Variants in DTWD1 observed in about 807,000 individuals in gnomAD.
DTWD1 encodes DTW motif tRNA-uridine aminocarboxypropyltransferase 1, also known as tRNA-uridine aminocarboxypropyltransferase 1.
Under a neutral mutation model 30.2 loss-of-function variants are expected in DTWD1, and 27 were observed. That is an observed-to-expected ratio of 0.90 (90% CI 0.66 to 1.23). The LOEUF is 1.23. Ranked by LOEUF, DTWD1 falls within the 50% of genes most tolerant of loss-of-function variation. The pLI, the probability that DTWD1 is intolerant of heterozygous loss-of-function variation, is 0.00. For synonymous variants in DTWD1, 99 were observed against 113.1 expected (o/e 0.88, Z 0.79); for missense variants, 342 against 348.8 (o/e 0.98, Z 0.15).
chr15:49,643,350 G>A lies in DTWD1; in HGVS notation c.687G>A (p.Leu229=). 1.5e-6 allele frequency: 2 copies of A among 1,293,520 alleles called. No individual in the cohort carries two copies. Among genetic ancestry groups the A allele is most frequent in the Non-Finnish European group, 1.0e-6 (1 of 1,003,254 alleles). The allele number at this position is 1,293,520 out of a possible 1,614,324, so 80.1% of individuals were successfully genotyped here. The change falls in exon 5 of 5, where the codon TTG becomes TTA. Residue 229 remains leucine, a synonymous_variant. Transcript: ENST00000403028. ...ERLQGLLQVE[L]KTRKTCFWRH... ...TGACAGGGTTGTTACAAGTTGAGTT[G>A]AAAACAAGAAAAACTTGCTTTTGGC...
At position 49,634,687 on chromosome 15, in the gene DTWD1, G is replaced by C; in HGVS notation, c.560G>C (p.Cys187Ser). Residue 187 changes from cysteine to serine, a missense_variant, in exon 4 of 5, where the codon TGT becomes TCT. Transcript: ENST00000403028. Reference sequence around the variant, plus strand: ...AAAAGAACTGAAGAACAAGAGTTCTGTGATTTGAATGACAGCAAGTGCAAA... The same window carrying C: ...AAAAGAACTGAAGAACAAGAGTTCTCTGATTTGAATGACAGCAAGTGCAAA... ...KRKRTEEQEF[C>S]DLNDSKCKGT... 6.2e-7 allele frequency: 1 copy of C among 1,613,632 alleles called. No individual in the cohort carries two copies. The highest frequency in any genetic ancestry group is 8.5e-7 in the Non-Finnish European group (1 of 1,179,784).
Position 49,654,860 on chromosome 15 carries a change from A to G in DTWD1, c.*11282A>G, listed in dbSNP as rs888030345. The G allele has an allele frequency of 6.6e-6, 1 of 152,164 alleles. No individual in the cohort carries two copies. The highest frequency in any genetic ancestry group is 2.1e-4 in the South Asian group (1 of 4,828). The allele number at this position is 152,164 out of a possible 1,614,324, so 9.4% of individuals were successfully genotyped here. A position where few individuals can be genotyped will look rare whatever the true frequency, so the allele number is the denominator to read the frequency against. The stretch of plus-strand genomic sequence containing the variant: ...TATCTTACATTTCTGGAGACTGAAA[A>G]TATGGAAATCCAAGATCAGAGTTTC... On this transcript the variant is annotated 3_prime_UTR_variant, in exon 5 of 5. Transcript: ENST00000403028.
In DTWD1 at chr15:49,647,468, T is replaced by C. The variant is rs1197095214; in HGVS notation, c.*3890T>C. 2 of 152,166 alleles carry C rather than the reference T, an allele frequency of 1.3e-5. No individual in the cohort carries two copies. The allele number at this position is 152,166 out of a possible 1,614,324, so 9.4% of individuals were successfully genotyped here. A position where few individuals can be genotyped will look rare whatever the true frequency, so the allele number is the denominator to read the frequency against. On this transcript the variant is annotated 3_prime_UTR_variant, in exon 5 of 5. Transcript: ENST00000403028. ...TCTTACATTTCTCATTTTGACAGAA[T>C]AAGCTGACTGTTATTAAGTACAATA... is the stretch of plus-strand genomic sequence containing the variant.
chr15:49,639,836 A>C (rs1363444126), intron 4 of DTWD1, among the ~76,000 whole-genome samples: 4 of 152,162 alleles, frequency 2.6e-5, no homozygotes, highest in Non-Finnish European at 5.9e-5. Flanking sequence ...ATTAGATTGT[A>C]TTTTAAGTCT....
At chr15:49,637,734 T>C (rs1385087078) in intron 4 of DTWD1, among the ~76,000 whole-genome samples, 1 of 152,234 alleles carries the variant, frequency 6.6e-6, no homozygotes, top group Non-Finnish European at 1.5e-5. Context: ...GGAGAGCTTC[T>C]CTCAGGCTAG....
Position 49,625,426 on chromosome 15 carries a change from G to A in DTWD1, c.259G>A (p.Val87Met). ...TGTACCTATTGAACAGATTCCACTT[G>A]TGAAGGTTAGTAAGAAATTTAATTG... ...ENVPIEQIPLVKLPLKIDIIK... is the reference protein window; with the variant it reads ...ENVPIEQIPLMKLPLKIDIIK... Residue 87 changes from valine (V) to methionine (M), a missense_variant, in exon 2 of 5, where the codon GTG (valine) becomes ATG (methionine). Val to Met is a conservative substitution (Grantham distance 21). Coordinates refer to ENST00000403028, the MANE Select transcript of DTWD1 (RefSeq NM_001144955.2). 6.2e-7 allele frequency: 1 copy of A among 1,606,656 alleles called. No homozygotes were observed. The highest frequency in any genetic ancestry group is 8.5e-7 in the Non-Finnish European group (1 of 1,176,132).
intron 2 of DTWD1, among the ~76,000 whole-genome samples, chr15:49,627,294 A>G (rs1481888294): frequency 6.6e-6 from 1 of 152,158 alleles, no homozygotes; most frequent in African/African-American, 2.4e-5. Flanking sequence ...ATATACATTA[A>G]TGGTAATAAC....
chr15:49,627,613 C>T (rs1464890748), intron 2 of DTWD1, among the ~76,000 whole-genome samples: 1 of 152,152 alleles, frequency 6.6e-6, no homozygotes, highest in African/African-American at 2.4e-5. Context: ...ACCTATTGCT[C>T]CTAGCCTACA....
chr15:49,629,100 T>G (rs2078884441), intron 2 of DTWD1, among the ~76,000 whole-genome samples: 2 of 152,208 alleles, frequency 1.3e-5, no homozygotes, highest in African/African-American at 4.8e-5. Flanking sequence ...GGTTTTCTGT[T>G]CCTGTGTGGT....
At chr15:49,634,823 T>A in intron 4 of DTWD1, 29 bp downstream of exon 4, 1 of 1,537,226 alleles carries the variant, frequency 6.5e-7, no homozygotes, top group South Asian at 1.3e-5. Flanking sequence ...TTTGGACTGC[T>A]CCTCCCTCAG....
At chr15:49,641,529 A>G (rs772655489) in intron 4 of DTWD1, among the ~76,000 whole-genome samples, 2 of 152,088 alleles carry the variant, frequency 1.3e-5, no homozygotes, top group Non-Finnish European at 2.9e-5. Context: ...TACAGGCAAC[A>G]TTTATCTGGA....
intron 4 of DTWD1, 29 bp from the exon 5 acceptor site, chr15:49,643,302 C>G: frequency 1.7e-6 from 2 of 1,199,950 alleles, no homozygotes; most frequent in South Asian, 1.9e-5. Flanking sequence ...TTCTTTCTTT[C>G]TTTCTTTTTT....
intron 4 of DTWD1, among the ~76,000 whole-genome samples, chr15:49,640,795 T>G (rs1284740970): frequency 1.3e-5 from 2 of 152,224 alleles, no homozygotes; most frequent in East Asian, 3.9e-4. Flanking sequence ...TCTTTGTATA[T>G]TCTAGAATAT....
chr15:49,643,713 C>A lies in DTWD1; in HGVS notation c.*135C>A. 1 of 921,374 alleles carries A rather than the reference C, an allele frequency of 1.1e-6. No homozygotes were observed. The allele number at this position is 921,374 out of a possible 1,614,324, so 57.1% of individuals were successfully genotyped here. ...GAAAAAATTCCAGTTTCATATATAT[C>A]ACTTCATATTTCTTGAAGGAAATTG... is the stretch of plus-strand genomic sequence containing the variant. On this transcript the variant is annotated 3_prime_UTR_variant, in exon 5 of 5. Coordinates refer to ENST00000403028, the MANE Select transcript of DTWD1 (RefSeq NM_001144955.2).
In DTWD1 at chr15:49,649,955, G is replaced by A. The variant is rs892793585; in HGVS notation, c.*6377G>A. 1.2e-4 allele frequency: 18 copies of A among 152,110 alleles called. No individual in the cohort carries two copies. Among genetic ancestry groups the A allele is most frequent in the African/African-American group, 3.9e-4 (16 of 41,404 alleles). 9.4% of individuals were successfully genotyped at this position (152,110 alleles called of 1,614,324 possible). Reference sequence around the variant, plus strand: ...CAGGAAAGGGGTGCCAGTTTAAATAGCATGGTCAGATGGAAAAGCCTGTGA... The same window carrying A: ...CAGGAAAGGGGTGCCAGTTTAAATAACATGGTCAGATGGAAAAGCCTGTGA... On this transcript the variant is annotated 3_prime_UTR_variant, in exon 5 of 5. Coordinates refer to ENST00000403028, the MANE Select transcript of DTWD1 (RefSeq NM_001144955.2).
In DTWD1 at chr15:49,655,416, C is replaced by T. The variant is rs1305819009; in HGVS notation, c.*11838C>T. On this transcript the variant is annotated 3_prime_UTR_variant, in exon 5 of 5. Coordinates refer to ENST00000403028, the MANE Select transcript of DTWD1 (RefSeq NM_001144955.2). ...AAAGACCTGTAGAAAATCGGGCCTACGTACCTCTATTTTTTTTTCATACTC... is the reference window on the plus strand; with the variant it reads ...AAAGACCTGTAGAAAATCGGGCCTATGTACCTCTATTTTTTTTTCATACTC... 2.0e-5 allele frequency: 3 copies of T among 151,956 alleles called. No individual in the cohort carries two copies. Among genetic ancestry groups the T allele is most frequent in the East Asian group, 1.9e-4 (1 of 5,132 alleles). 9.4% of individuals were successfully genotyped at this position (151,956 alleles called of 1,614,324 possible).
At chr15:49,633,049 C>CTATATATATATATATATATATATA (rs1555588610) in intron 3 of DTWD1, among the ~76,000 whole-genome samples, 34 of 117,294 alleles carry the variant, frequency 2.9e-4, no homozygotes, top group East Asian at 4.3e-4. Flanking sequence ...ATATCTATAT[C>CTATATATATATATATATATATATA]TATATATATA....
Position 49,625,118 on chromosome 15 carries a change from C to A in DTWD1, c.-50C>A, listed in dbSNP as rs758343977. 1 of 1,558,150 alleles carries A rather than the reference C, an allele frequency of 6.4e-7. No individual in the cohort carries two copies. The highest frequency in any genetic ancestry group is 2.2e-5 in the East Asian group (1 of 44,512). Reference sequence around the variant, plus strand: ...TTGATACTTTTTTTTTACAGTGCACCTATGATATGTGTTTTAGAAATAGCC... The same window carrying A: ...TTGATACTTTTTTTTTACAGTGCACATATGATATGTGTTTTAGAAATAGCC... On this transcript the variant is annotated 5_prime_UTR_variant, in exon 2 of 5. Transcript: ENST00000403028.
intron 4 of DTWD1, among the ~76,000 whole-genome samples, chr15:49,638,890 T>G (rs954823044): frequency 6.6e-6 from 1 of 152,138 alleles, no homozygotes; most frequent in Non-Finnish European, 1.5e-5. Flanking sequence ...GATATAACAT[T>G]CTTAAAGATT....
Sources: allele counts gnomAD v4.1 joint callset (sites outside exome capture counted in the v4.1 genomes callset), GRCh38; gene constraint gnomAD v4.1.1; transcripts MANE v1.5; gene names NCBI Gene and HGNC (gene_info 2026-07-23, HGNC 2026-07-21).